The following ZP4 variants were observed in gnomAD, a reference collection of about 807,000 sequenced individuals.
ZP4 encodes zona pellucida sperm-binding protein 4.
A neutral mutation model predicts 62.3 loss-of-function variants in ZP4; 62 were observed. The observed-to-expected ratio is 0.99, with a 90% confidence interval of 0.81 to 1.23. The LOEUF (loss-of-function observed/expected upper bound fraction) is 1.23. Ranked by LOEUF, ZP4 falls within the 50% of genes most tolerant of loss-of-function variation. ZP4 has a pLI of 0.00. For missense variants in ZP4, 774 were observed against 656.0 expected (o/e 1.18, Z -1.97); for synonymous variants, 289 against 247.3 (o/e 1.17, Z -1.58).
rs140287354 is a variant in ZP4, at chr1:237,889,935, C to T, written c.332G>A (p.Gly111Glu). The T allele has an allele frequency of 6.5e-5, 105 of 1,614,054 alleles. No individual in the cohort carries two copies. The highest frequency in any genetic ancestry group is 8.6e-5 in the Non-Finnish European group (101 of 1,180,010). The stretch of plus-strand genomic sequence containing the variant: ...CACCTTGTGTTCAGCCGCGCCTGCT[C>T]CTTCAACTCCAACTGGCATGATGTA... ...SHYIMPVGVE[G>E]AGAAEHKVVT... is the part of the protein sequence containing the mutation. Residue 111 changes from glycine (G) to glutamate (E), a missense_variant, in exon 3 of 12, where the codon GGA (glycine) becomes GAA (glutamate). Transcript: ENST00000366570.
At chr1:237,882,885 G>A in intron 10 of ZP4, 39 bp from the exon 11 acceptor site, 1 of 1,558,946 alleles carries the variant, frequency 6.4e-7, no homozygotes, top group Non-Finnish European at 8.8e-7. Context: ...ATTAGTTTTT[G>A]CACACATAGG....
chr1:237,888,523 A>G lies in ZP4; in HGVS notation c.401-13T>C, dbSNP rs928228171. ...GGAGCATCTCGGGCTAGGTTTTGAA[A>G]AAGAGTAAGTCAGGTTAGATAATGG... On this transcript the variant is annotated splice_polypyrimidine_tract_variant and intron_variant, in intron 3 of 11. Coordinates refer to ENST00000366570, the MANE Select transcript of ZP4 (RefSeq NM_021186.5). The G allele has an allele frequency of 6.3e-7, 1 of 1,585,650 alleles. No individual in the cohort carries two copies. The highest frequency in any genetic ancestry group is 1.1e-5 in the South Asian group (1 of 88,124).
At chr1:237,885,666 T>G (rs1341326666) in intron 7 of ZP4, 86 bp from the exon 8 acceptor site, 7 of 1,593,110 alleles carry the variant, frequency 4.4e-6, no homozygotes, top group Non-Finnish European at 5.1e-6. Flanking sequence ...CCCAAGCCCC[T>G]TAAGTGTCTT....
At chr1:237,883,810 G>GGAAGAGAGAGGAAGAGAGA (rs1558530400) in intron 10 of ZP4, among the ~76,000 whole-genome samples, 12 of 91,494 alleles carry the variant, frequency 1.3e-4, no homozygotes, top group Non-Finnish European at 2.1e-4. Flanking sequence ...AGGAAGAGAG[G>GGAAGAGAGAGGAAGAGAGA]GAGAAAGGCT....
chr1:237,885,309 G>T lies in ZP4; in HGVS notation c.1167C>A (p.Pro389=), dbSNP rs557434250. The change falls in exon 9 of 12, where the codon CCC becomes CCA. Residue 389 remains proline, a synonymous_variant. Transcript: ENST00000366570. ...PQWPILVKGC[P]YIGDNYQTQL... ...GGGTCTGATAGTTGTCTCCAATGTA[G>T]GGGCAGCTAGACCAAGAGACCCAGC... 6.2e-7 allele frequency: 1 copy of T among 1,613,980 alleles called. No individual in the cohort carries two copies. Among genetic ancestry groups the T allele is most frequent in the East Asian group, 2.2e-5 (1 of 44,866 alleles).
At chr1:237,886,368 T>C (rs1665100877) in intron 6 of ZP4, among the ~76,000 whole-genome samples, 1 of 151,772 alleles carries the variant, frequency 6.6e-6, no homozygotes, top group African/African-American at 2.4e-5. Flanking sequence ...TGCAGGGTCC[T>C]GATGTTCATC....
In ZP4 at chr1:237,885,262, G is replaced by A; in HGVS notation, c.1214C>T (p.Ala405Val). Residue 405 changes from alanine (A) to valine (V), a missense_variant, in exon 9 of 12, where the codon GCC becomes GTC. Ala to Val is a moderately conservative substitution (Grantham distance 64). Coordinates refer to ENST00000366570, the MANE Select transcript of ZP4 (RefSeq NM_021186.5). ...YQTQLIPVQK[A>V]LDLPFPSHHQ... ...GTGAGAGGGAAATGGAAGATCCAAGGCTTTCTGGACAGGGATCAGCTGGGT... is the reference window on the plus strand; with the variant it reads ...GTGAGAGGGAAATGGAAGATCCAAGACTTTCTGGACAGGGATCAGCTGGGT... 6.2e-7 allele frequency: 1 copy of A among 1,614,150 alleles called. No homozygotes were observed. The highest frequency in any genetic ancestry group is 2.2e-5 in the East Asian group (1 of 44,860).
chr1:237,886,063 A>G (rs1257069055), intron 6 of ZP4, among the ~76,000 whole-genome samples, 177 bp from the exon 7 acceptor site: 2 of 152,186 alleles, frequency 1.3e-5, no homozygotes. Flanking sequence ...TACAAGTAGG[A>G]CCAATGTTTG....
At chr1:237,882,932 TCTC>T (rs1664950921) in intron 10 of ZP4, 86 bp from the exon 11 acceptor site, 1 of 1,150,210 alleles carries the variant, frequency 8.7e-7, no homozygotes, top group African/African-American at 1.5e-5. Context: ...AGGCCAAGTG[TCTC>T]TATAAAGCTT....
chr1:237,890,175 G>T lies in ZP4; in HGVS notation c.177C>A (p.Asp59Glu). Reference sequence around the variant, plus strand: ...GCAGCTCGTGCAGCAGCCCTTGGTTGTCTGGAGGGGTGGGGAAGAGGTGAG... The same window carrying T: ...GCAGCTCGTGCAGCAGCCCTTGGTTTTCTGGAGGGGTGGGGAAGAGGTGAG... ...ATSPPVLIAWDNQGLLHELQN... is the reference protein window; with the variant it reads ...ATSPPVLIAWENQGLLHELQN... Residue 59 changes from aspartate (D) to glutamate (E), a missense_variant and splice_region_variant, in exon 2 of 12, where the codon GAC becomes GAA. Asp to Glu is a conservative substitution (Grantham distance 45, BLOSUM62 2). Transcript: ENST00000366570. 1.2e-6 allele frequency: 2 copies of T among 1,613,882 alleles called. No homozygotes were observed. Among genetic ancestry groups the T allele is most frequent in the South Asian group, 1.1e-5 (1 of 91,074 alleles).
At chr1:237,888,299 G>T in intron 4 of ZP4, 59 bp downstream of exon 4, 1 of 1,461,270 alleles carries the variant, frequency 6.8e-7, no homozygotes, top group African/African-American at 1.4e-5. Flanking sequence ...CCCTCTCTGG[G>T]TTTCATTGTA....
intron 9 of ZP4, 141 bp downstream of exon 9, chr1:237,885,024 T>A: frequency 1.6e-6 from 2 of 1,277,130 alleles, no homozygotes; most frequent in Admixed American, 2.2e-5. Flanking sequence ...CTCATGTAAT[T>A]AGTAACAAGG....
At chr1:237,887,990 A>G (rs1665145571) in intron 4 of ZP4, among the ~76,000 whole-genome samples, 1 of 152,224 alleles carries the variant, frequency 6.6e-6, no homozygotes, top group East Asian at 1.9e-4. Context: ...AGTTTATGTT[A>G]GAAAACCTCA....
At chr1:237,884,671 G>C (rs1261064754) in intron 10 of ZP4, 98 bp downstream of exon 10, 3 of 1,125,616 alleles carry the variant, frequency 2.7e-6, no homozygotes, top group East Asian at 2.6e-5. Flanking sequence ...TTAGTAAGAT[G>C]AATCTTCAGT....
intron 7 of ZP4, 83 bp from the exon 8 acceptor site, chr1:237,885,663 C>T: frequency 6.3e-7 from 1 of 1,592,790 alleles, no homozygotes; most frequent in Non-Finnish European, 8.5e-7. Context: ...AGCCCCAAGC[C>T]CCTTAAGTGT....
Position 237,887,477 on chromosome 1 carries a change from A to G in ZP4, c.638T>C (p.Val213Ala). 2 of 1,614,218 alleles carry G rather than the reference A, an allele frequency of 1.2e-6. No homozygotes were observed. Among genetic ancestry groups the G allele is most frequent in the Non-Finnish European group, 8.5e-7 (1 of 1,180,038 alleles). Reference sequence around the variant, plus strand: ...ACTGTCATTCCTAAGGGCCAAGCGCACAGAATCCAAGAGCAGTGGTGGCGA... The same window carrying G: ...ACTGTCATTCCTAAGGGCCAAGCGCGCAGAATCCAAGAGCAGTGGTGGCGA... ...VTSPPLLLDS[V>A]RLALRNDSAC... is the part of the protein sequence containing the mutation. The change falls in exon 5 of 12, where the codon GTG becomes GCG. Residue 213 changes from valine (V) to alanine (A), a missense_variant. Val to Ala is a moderately conservative substitution (Grantham distance 64). Coordinates refer to ENST00000366570, the MANE Select transcript of ZP4 (RefSeq NM_021186.5).
In ZP4 at chr1:237,890,184, G is replaced by T. The variant is rs767169325; in HGVS notation, c.176-8C>A. Reference sequence around the variant, plus strand: ...GCAGCAGCCCTTGGTTGTCTGGAGGGGTGGGGAAGAGGTGAGAAAACACAG... The same window carrying T: ...GCAGCAGCCCTTGGTTGTCTGGAGGTGTGGGGAAGAGGTGAGAAAACACAG... On this transcript the variant is annotated splice_polypyrimidine_tract_variant and splice_region_variant and intron_variant, in intron 1 of 11. Transcript: ENST00000366570. 1.2e-6 allele frequency: 2 copies of T among 1,613,692 alleles called. No homozygotes were observed. The highest frequency in any genetic ancestry group is 1.1e-5 in the South Asian group (1 of 91,056).
chr1:237,884,578 A>G (rs1665050280), intron 10 of ZP4, among the ~76,000 whole-genome samples, 191 bp downstream of exon 10: 1 of 152,220 alleles, frequency 6.6e-6, no homozygotes, highest in Non-Finnish European at 1.5e-5. Context: ...TTACCCGAAC[A>G]TTTATAGCTT....
chr1:237,883,386 C>T lies in ZP4; in HGVS notation c.1391-540G>A, dbSNP rs552812094. ...AAAAAAGCTTTCTGGAGTTTGAGAC[C>T]AGCCCAGGCAACATAAAGATCCATC... On this transcript the variant is annotated intron_variant, in intron 10 of 11. Transcript: ENST00000366570. Among the ~76,000 whole-genome samples, 10 of 151,496 alleles carry T rather than the reference C, an allele frequency of 6.6e-5. No individual in the cohort carries two copies. In the East Asian group the frequency reaches 2.0e-3, roughly 30 times the overall value.
Sources: gnomAD v4.1 joint callset for allele counts (sites outside exome capture counted in the v4.1 genomes callset) on GRCh38, gnomAD v4.1.1 for gene constraint, MANE v1.5 for transcripts, NCBI Gene and HGNC (gene_info 2026-07-23, HGNC 2026-07-21) for gene names.